Variants in FRMD6 observed in about 807,000 individuals in gnomAD.
FRMD6 encodes the protein FERM domain containing 6.
Under a neutral mutation model 73.2 loss-of-function variants are expected in FRMD6, and 37 were observed. That is an observed-to-expected ratio of 0.51 (90% CI 0.39 to 0.66). The LOEUF is 0.66. FRMD6 is among the 30% of genes least tolerant of loss of function. The pLI, the probability that FRMD6 is intolerant of heterozygous loss-of-function variation, is 0.00. For synonymous variants in FRMD6, 273 were observed against 282.2 expected (o/e 0.97, Z 0.33); for missense variants, 714 against 780.5 (o/e 0.91, Z 1.02).
the FRMD6 span, among the ~76,000 whole-genome samples, chr14:51,477,928 G>A: frequency 1.3e-5 from 2 of 152,048 alleles, no homozygotes; most frequent in Admixed American, 1.3e-4. Flanking sequence ...AATAGAGACA[G>A]GGTTTTGCCA....
intron 10 of FRMD6, 89 bp from the exon 11 acceptor site, chr14:51,719,966 G>T: frequency 1.1e-6 from 1 of 948,802 alleles, no homozygotes; most frequent in South Asian, 1.7e-5. Flanking sequence ...TGAATTTGAA[G>T]TTATCCTTGT....
the FRMD6 span, among the ~76,000 whole-genome samples, chr14:51,469,618 GA>G: frequency 0.5 from 48,148 of 97,078 alleles, 9,241 homozygotes; most frequent in East Asian, 0.61. Context: ...ATTTCAAAAA[GA>G]AAAAAAAAAA....
chr14:51,415,476 A>C, the FRMD6 span, among the ~76,000 whole-genome samples: 3 of 152,162 alleles, frequency 2.0e-5, no homozygotes, highest in Non-Finnish European at 4.4e-5. Context: ...CATATGTTGA[A>C]CCAGCCTTGC....
chr14:51,664,662 A>C (rs936249964), intron 1 of FRMD6, among the ~76,000 whole-genome samples: 6 of 152,226 alleles, frequency 3.9e-5, no homozygotes, highest in African/African-American at 1.4e-4. Flanking sequence ...TTTGCAGTGG[A>C]TTAGGGCACA....
rs568487753 is a variant in FRMD6 at position 51,575,694 on chromosome 14, G to A, written c.-147+5284G>A. On this transcript the variant is annotated intron_variant, in intron 2 of 14. Coordinates refer to the FRMD6 transcript ENST00000356218. ...TTCTTAATGGGATTCAGCTGCCTAC[G>A]CTGCAGTGCTTTCAGCTGTATTTGA... 7 of 152,230 alleles carry A rather than the reference G, an allele frequency of 4.6e-5. 1 individual carries two copies. The South Asian group carries it at 1.0e-3, about 23-fold the overall frequency. 9.4% of individuals were successfully genotyped at this position (152,230 alleles called of 1,614,324 possible).
At chr14:51,579,477 C>T (rs1566481012) in intron 2 of FRMD6, among the ~76,000 whole-genome samples, 1 of 152,152 alleles carries the variant, frequency 6.6e-6, no homozygotes, top group Admixed American at 6.5e-5. Flanking sequence ...TCCATAATGC[C>T]TTGCACTTAC....
chr14:51,596,765 A>G (rs12147728), intron 2 of FRMD6, among the ~76,000 whole-genome samples: 2 of 152,142 alleles, frequency 1.3e-5, no homozygotes, highest in Non-Finnish European at 2.9e-5. Flanking sequence ...TCAAAAGTTC[A>G]TGGGCCCAGA....
At chr14:51,500,962 T>G (rs1346393717) in intron 1 of FRMD6, among the ~76,000 whole-genome samples, 1 of 152,220 alleles carries the variant, frequency 6.6e-6, no homozygotes, top group African/African-American at 2.4e-5. Context: ...GATTTTGCCA[T>G]GAATAGTTAT....
the FRMD6 span, chr14:51,436,299 GC>G: frequency 2.6e-6 from 1 of 384,092 alleles, no homozygotes; most frequent in Admixed American, 3.5e-5. Context: ...AGAATTGATT[GC>G]CAAAATCCCA....
intron 8 of FRMD6, 71 bp from the exon 9 acceptor site, chr14:51,712,412 A>G (rs1896994409): frequency 2.2e-6 from 2 of 926,320 alleles, no homozygotes; most frequent in East Asian, 4.9e-5. Flanking sequence ...GTTTTCAGGG[A>G]AAGAAGTTAG....
chr14:51,682,619 C>G (rs1310252521), intron 1 of FRMD6, among the ~76,000 whole-genome samples: 3 of 152,144 alleles, frequency 2.0e-5, no homozygotes, highest in African/African-American at 7.2e-5. Context: ...ATGATGCAAT[C>G]AGGATTCTTT....
At chr14:51,680,090 G>A (rs569125711) in intron 1 of FRMD6, among the ~76,000 whole-genome samples, 22 of 152,204 alleles carry the variant, frequency 1.4e-4, no homozygotes, top group Non-Finnish European at 2.5e-4. Flanking sequence ...GTACTATGCT[G>A]TGTGCCATCC....
At chr14:51,423,253 A>T in the FRMD6 span, among the ~76,000 whole-genome samples, 1 of 152,088 alleles carries the variant, frequency 6.6e-6, no homozygotes, top group African/African-American at 2.4e-5. Flanking sequence ...CCCACATCTC[A>T]CAAGTCTCCA....
chr14:51,543,694 G>T (rs1886317874), intron 1 of FRMD6, among the ~76,000 whole-genome samples: 1 of 152,044 alleles, frequency 6.6e-6, no homozygotes, highest in African/African-American at 2.4e-5. Context: ...ATAGGAGAAT[G>T]AGACTAAAGT....
chr14:51,536,603 G>A (rs758463303), intron 1 of FRMD6, among the ~76,000 whole-genome samples: 5 of 151,768 alleles, frequency 3.3e-5, no homozygotes, highest in Non-Finnish European at 7.4e-5. Flanking sequence ...TTTTAATAGA[G>A]ACGAGATTTC....
the FRMD6 span, among the ~76,000 whole-genome samples, chr14:51,434,457 T>C: frequency 3.9e-3 from 588 of 152,226 alleles, 2 homozygotes; most frequent in East Asian, 8.5e-3. Context: ...GCTGAAAGAA[T>C]GTAAGAAACT....
the FRMD6 span, among the ~76,000 whole-genome samples, chr14:51,409,230 T>TTGG: frequency 6.6e-6 from 1 of 151,794 alleles, no homozygotes; most frequent in Admixed American, 6.6e-5. Flanking sequence ...TCCTTCGCGA[T>TTGG]AGGAAAACCA....
At chr14:51,590,545 G>T (rs1395778847) in intron 2 of FRMD6, among the ~76,000 whole-genome samples, 1 of 152,120 alleles carries the variant, frequency 6.6e-6, no homozygotes, top group Non-Finnish European at 1.5e-5. Flanking sequence ...TCTCTGTCAA[G>T]TAAGAGTACA....
chr14:51,644,316 TCATCTCAGTG>T (rs1891952208), intron 2 of FRMD6, among the ~76,000 whole-genome samples: 1 of 151,636 alleles, frequency 6.6e-6, no homozygotes. Flanking sequence ...TTTTCTGTTC[TCATCTCAGTG>T]CATCTCAGAT....
Sources: allele counts gnomAD v4.1 joint callset (sites outside exome capture counted in the v4.1 genomes callset), GRCh38; gene constraint gnomAD v4.1.1; transcripts MANE v1.5; gene names NCBI Gene and HGNC (gene_info 2026-07-23, HGNC 2026-07-21).